The following PLA2G1B variants were observed in gnomAD, a reference collection of about 807,000 sequenced individuals.
PLA2G1B encodes the protein phospholipase A2.
A neutral mutation model predicts 12.5 loss-of-function variants in PLA2G1B; 12 were observed. That is an observed-to-expected ratio of 0.96 (90% confidence interval 0.62 to 1.56). The LOEUF (loss-of-function observed/expected upper bound fraction) is 1.56. Ranked by LOEUF, PLA2G1B falls within the 40% of genes most tolerant of loss-of-function variation. The pLI, the probability that PLA2G1B is intolerant of heterozygous loss-of-function variation, is 0.00. For synonymous variants in PLA2G1B, 81 were observed against 73.4 expected, an observed-to-expected ratio of 1.10 and a Z score of -0.53; for missense variants, 189 against 186.7, an observed-to-expected ratio of 1.01 and a Z score of -0.07.
chr12:120,325,844 G>C lies in PLA2G1B; in HGVS notation c.194+17C>G, dbSNP rs1275821281. The stretch of plus-strand genomic sequence containing the variant: ...CCCCGGCAGGCACTCCAATTTTCCT[G>C]CAGGCGGATCACTTACTTGTCCAGT... On this transcript the variant is annotated intron_variant, in intron 2 of 3. Transcript: ENST00000308366. 1 of 1,612,018 alleles carries C rather than the reference G, an allele frequency of 6.2e-7. No homozygotes were observed. Among genetic ancestry groups the C allele is most frequent in the South Asian group, 1.1e-5 (1 of 90,888 alleles).
In PLA2G1B at chr12:120,326,024, C is replaced by A. The variant is rs1873340198; in HGVS notation, c.35-4G>T. The A allele has an allele frequency of 6.2e-7, 1 of 1,613,356 alleles. No homozygotes were observed. The highest frequency in any genetic ancestry group is 8.5e-7 in the Non-Finnish European group (1 of 1,179,938). The stretch of plus-strand genomic sequence containing the variant: ...ATGCCGCTGTCGGCGGCGGCCACTG[C>A]AAGAAGACATAGCCAGAGTTCAAAT... On this transcript the variant is annotated splice_region_variant and splice_polypyrimidine_tract_variant and intron_variant, in intron 1 of 3. Transcript: ENST00000308366.
At chr12:120,326,066 CG>C in intron 1 of PLA2G1B, 46 bp from the exon 2 acceptor site, 2 of 1,599,466 alleles carry the variant, frequency 1.3e-6, no homozygotes, top group East Asian at 2.2e-5. Flanking sequence ...GCCAGCACCC[CG>C]GGGACACACT....
At chr12:120,326,985 T>G (rs978251255) in intron 1 of PLA2G1B, among the ~76,000 whole-genome samples, 7 of 151,108 alleles carry the variant, frequency 4.6e-5, no homozygotes, top group African/African-American at 9.8e-5. Flanking sequence ...ATAATAAGAA[T>G]AATAATAAAT....
chr12:120,325,274 G>A, intron 2 of PLA2G1B, among the ~76,000 whole-genome samples: 1 of 151,920 alleles, frequency 6.6e-6, no homozygotes, highest in Admixed American at 6.6e-5. Context: ...ACCCAGGCTG[G>A]ACAGCAGTGA....
chr12:120,326,724 A>C (rs1300620653), intron 1 of PLA2G1B, among the ~76,000 whole-genome samples: 1 of 151,892 alleles, frequency 6.6e-6, no homozygotes, highest in Non-Finnish European at 1.5e-5. Flanking sequence ...TAATCCCAGC[A>C]CTTTGGGAGG....
Position 120,325,992 on chromosome 12 carries a change from A to C in PLA2G1B, c.63T>G (p.Pro21=). 6.2e-7 allele frequency: 1 copy of C among 1,614,048 alleles called. No homozygotes were observed. Among genetic ancestry groups the C allele is most frequent in the South Asian group, 1.1e-5 (1 of 91,080 alleles). The change falls in exon 2 of 4, where the codon CCT becomes CCG. Residue 21 remains proline (P), a synonymous_variant. Coordinates refer to ENST00000308366, the MANE Select transcript of PLA2G1B (RefSeq NM_000928.3). ...TVAAADSGIS[P]RAVWQFRKMI... The stretch of plus-strand genomic sequence containing the variant: ...TTTTGCGGAACTGCCACACGGCCCG[A>C]GGGCTGATGCCGCTGTCGGCGGCGG...
At chr12:120,326,102 C>A in intron 1 of PLA2G1B, 82 bp from the exon 2 acceptor site, 1 of 1,468,444 alleles carries the variant, frequency 6.8e-7, no homozygotes, top group South Asian at 1.2e-5. Context: ...TCGGGTCCCA[C>A]GCTGCCTCCC....
In PLA2G1B at chr12:120,326,034, T is replaced by C. The variant is rs1481829465; in HGVS notation, c.35-14A>G. 8 of 1,612,686 alleles carry C rather than the reference T, an allele frequency of 5.0e-6. No homozygotes were observed. In the Admixed American group the frequency reaches 5.0e-5, roughly 10 times the overall value. On this transcript the variant is annotated splice_polypyrimidine_tract_variant and intron_variant, in intron 1 of 3. Transcript: ENST00000308366. The stretch of plus-strand genomic sequence containing the variant: ...CGGCGGCGGCCACTGCAAGAAGACA[T>C]AGCCAGAGTTCAAATCGGTCTGCCA...
At position 120,322,279 on chromosome 12, in the gene PLA2G1B, C is replaced by A. The variant is rs375742049; in HGVS notation, c.361G>T (p.Asp121Tyr). ...GAAAAGCAGATGGCAGCGTTGCGGT[C>A]GCAGTTGCAAATGAAGGCCTCACAC... ...KECEAFICNC[D>Y]RNAAICFSKA... The change falls in exon 4 of 4, where the codon GAC becomes TAC. Residue 121 changes from aspartate (D) to tyrosine (Y), a missense_variant. Transcript: ENST00000308366. 6.8e-6 allele frequency: 11 copies of A among 1,613,850 alleles called. No homozygotes were observed. The highest frequency in any genetic ancestry group is 9.3e-6 in the Non-Finnish European group (11 of 1,179,936).
chr12:120,327,609 T>G (rs999756527), intron 1 of PLA2G1B, 111 bp downstream of exon 1: 9 of 1,055,242 alleles, frequency 8.5e-6, no homozygotes, highest in Non-Finnish European at 1.2e-5. Context: ...GAATTGAGAC[T>G]GCGGGGCTGG....
chr12:120,327,258 G>A (rs1258335156), intron 1 of PLA2G1B, among the ~76,000 whole-genome samples: 3 of 152,014 alleles, frequency 2.0e-5, no homozygotes, highest in Non-Finnish European at 2.9e-5. Context: ...TCACGCCACC[G>A]CACTCCAGCC....
chr12:120,326,033 A>C lies in PLA2G1B; in HGVS notation c.35-13T>G. On this transcript the variant is annotated splice_polypyrimidine_tract_variant and intron_variant, in intron 1 of 3. Coordinates refer to ENST00000308366, the MANE Select transcript of PLA2G1B (RefSeq NM_000928.3). ...TCGGCGGCGGCCACTGCAAGAAGAC[A>C]TAGCCAGAGTTCAAATCGGTCTGCC... 1 of 1,613,084 alleles carries C rather than the reference A, an allele frequency of 6.2e-7. No homozygotes were observed. Among genetic ancestry groups the C allele is most frequent in the Middle Eastern group, 1.6e-4 (1 of 6,062 alleles).
At chr12:120,326,583 TA>T (rs1873354383) in intron 1 of PLA2G1B, among the ~76,000 whole-genome samples, 5 of 34,266 alleles carry the variant, frequency 1.5e-4, no homozygotes, top group Admixed American at 2.9e-4. Context: ...ACAGATATAA[TA>T]ATAATAATAA....
intron 1 of PLA2G1B, among the ~76,000 whole-genome samples, chr12:120,326,790 G>C (rs1040334493): frequency 6.6e-6 from 1 of 151,840 alleles, no homozygotes; most frequent in Middle Eastern, 3.4e-3. Context: ...CTAACACGAT[G>C]AAACCCCGTC....
rs555887236 is a variant in PLA2G1B, at chr12:120,323,408, G to T, written c.323-1091C>A. Among the ~76,000 whole-genome samples the T allele has an allele frequency of 3.3e-5, 5 of 152,110 alleles. No homozygotes were observed. In the East Asian group the frequency reaches 9.6e-4, roughly 29 times the overall value. On this transcript the variant is annotated intron_variant, in intron 3 of 3. Transcript: ENST00000308366. ...AGCCTCCCGAGTAGCTGGGACTACA[G>T]GCATGCATCACTACACCCAGCTAAT...
In PLA2G1B at chr12:120,324,185, C is replaced by T. The variant is rs1007378630; in HGVS notation, c.322+749G>A. Among the ~76,000 whole-genome samples, 25 of 151,992 alleles carry T rather than the reference C, an allele frequency of 1.6e-4. 1 individual carries two copies. The highest frequency in any genetic ancestry group is 5.9e-4 in the Admixed American group (9 of 15,224). On this transcript the variant is annotated intron_variant, in intron 3 of 3. Transcript: ENST00000308366. ...AAAATTAGCCAAGCATGGTGGTGCA[C>T]GCTTGTAATTCCAGCTACTCAGGAG...
chr12:120,327,254 C>T (rs1873369652), intron 1 of PLA2G1B, among the ~76,000 whole-genome samples: 1 of 151,942 alleles, frequency 6.6e-6, no homozygotes, highest in Non-Finnish European at 1.5e-5. Flanking sequence ...GAGATCACGC[C>T]ACCGCACTCC....
In PLA2G1B at chr12:120,325,020, T is replaced by C. The variant is rs561973574; in HGVS notation, c.236A>G (p.Lys79Arg). ...THDNCYDQAK[K>R]LDSCKFLLDN... Reference sequence around the variant, plus strand: ...CAGCAGAAATTTACAGCTGTCCAGCTTCTTGGCCTGGTCATAGCAGTTGTC... The same window carrying C: ...CAGCAGAAATTTACAGCTGTCCAGCCTCTTGGCCTGGTCATAGCAGTTGTC... The change falls in exon 3 of 4, where the codon AAG (lysine) becomes AGG (arginine). Residue 79 changes from lysine to arginine, a missense_variant. By Grantham distance (26) the Lys-to-Arg change is conservative. Coordinates refer to ENST00000308366, the MANE Select transcript of PLA2G1B (RefSeq NM_000928.3). 12 of 1,614,038 alleles carry C rather than the reference T, an allele frequency of 7.4e-6. No homozygotes were observed. The highest frequency in any genetic ancestry group is 1.3e-5 in the African/African-American group (1 of 74,996).
chr12:120,322,115 G>A lies in PLA2G1B; in HGVS notation c.*78C>T. 1.5e-6 allele frequency: 2 copies of A among 1,366,826 alleles called. No homozygotes were observed. The highest frequency in any genetic ancestry group is 1.3e-5 in the South Asian group (1 of 77,918). The allele number at this position is 1,366,826 out of a possible 1,614,324, so 84.7% of individuals were successfully genotyped here. The stretch of plus-strand genomic sequence containing the variant: ...GAATAAAACAATATCCAAACATGAG[G>A]TCTTTCAACAAGGTGCTTTATTGGA... On this transcript the variant is annotated 3_prime_UTR_variant, in exon 4 of 4. Coordinates refer to ENST00000308366, the MANE Select transcript of PLA2G1B (RefSeq NM_000928.3).
Sources: allele counts gnomAD v4.1 joint callset (sites outside exome capture counted in the v4.1 genomes callset), GRCh38; gene constraint gnomAD v4.1.1; transcripts MANE v1.5; gene names NCBI Gene and HGNC (gene_info 2026-07-23, HGNC 2026-07-21).